The following MACROD2 variants were observed in gnomAD, a reference collection of about 807,000 sequenced individuals.
MACROD2 encodes the protein mono-ADP ribosylhydrolase 2.
A neutral mutation model predicts 70.4 loss-of-function variants in MACROD2; 36 were observed. That is an observed-to-expected ratio of 0.51 (90% CI 0.39 to 0.68). The LOEUF is 0.68. Ranked by LOEUF, MACROD2 falls within the 30% of genes least tolerant of loss-of-function variation. MACROD2 has a pLI of 0.00. For synonymous variants in MACROD2, 172 were observed against 178.8 expected (o/e 0.96, Z 0.30); for missense variants, 496 against 538.4 (o/e 0.92, Z 0.78).
intron 5 of MACROD2, among the ~76,000 whole-genome samples, chr20:15,162,259 G>A (rs186837592): frequency 5.9e-4 from 90 of 152,146 alleles, no homozygotes; most frequent in Non-Finnish European, 1.6e-4. Context: ...GGAGTGGTAG[G>A]AGTGGTAAGT....
chr20:13,996,574 G>C (rs1300022341), intron 1 of MACROD2: 2 of 152,016 alleles, frequency 1.3e-5, no homozygotes, highest in Non-Finnish European at 2.9e-5. Context: ...AATTTTGTGC[G>C]TATAAGGTTT....
intron 6 of MACROD2, among the ~76,000 whole-genome samples, chr20:15,310,296 G>T (rs1009787986): frequency 6.6e-5 from 10 of 152,174 alleles, no homozygotes; most frequent in Non-Finnish European, 1.2e-4. Context: ...GAGCCTGGAA[G>T]TAGAATTGGG....
At chr20:15,739,876 A>C (rs1017522807) in intron 8 of MACROD2, among the ~76,000 whole-genome samples, 6 of 152,242 alleles carry the variant, frequency 3.9e-5, no homozygotes, top group Non-Finnish European at 7.3e-5. Flanking sequence ...TGCTGCCTTC[A>C]AGGACTGATG....
intron 8 of MACROD2, among the ~76,000 whole-genome samples, chr20:15,587,401 C>T (rs2048617275): frequency 6.6e-6 from 1 of 152,112 alleles, no homozygotes; most frequent in Admixed American, 6.5e-5. Flanking sequence ...TCATTCTGCC[C>T]CTGGCTCCTC....
intron 4 of MACROD2, among the ~76,000 whole-genome samples, chr20:14,672,498 A>T (rs1275380477): frequency 6.6e-6 from 1 of 152,176 alleles, no homozygotes. Context: ...TGATGGCAGG[A>T]GCTGCAGAGT....
At chr20:15,756,819 G>A (rs776745571) in intron 8 of MACROD2, among the ~76,000 whole-genome samples, 1 of 152,158 alleles carries the variant, frequency 6.6e-6, no homozygotes, top group Non-Finnish European at 1.5e-5. Context: ...AAACCTTTTG[G>A]TAGGACAGTT....
intron 17 of MACROD2, 100 bp from the exon 18 acceptor site, chr20:16,049,730 G>A: frequency 1.7e-6 from 2 of 1,210,270 alleles, no homozygotes; most frequent in South Asian, 1.3e-5. Flanking sequence ...TATGTGAGGG[G>A]TGAGAGACAT....
intron 5 of MACROD2, among the ~76,000 whole-genome samples, chr20:15,152,135 G>C (rs1468115921): frequency 6.6e-6 from 1 of 152,010 alleles, no homozygotes; most frequent in Non-Finnish European, 1.5e-5. Flanking sequence ...CTTGTAGGAT[G>C]GAAAAATTGA....
At chr20:15,926,813 A>G (rs2065496732) in intron 10 of MACROD2, among the ~76,000 whole-genome samples, 1 of 152,188 alleles carries the variant, frequency 6.6e-6, no homozygotes, top group Non-Finnish European at 1.5e-5. Context: ...ATGAATGAAG[A>G]CAGAGAAACA....
At chr20:14,877,243 T>C (rs2073561134) in intron 5 of MACROD2, among the ~76,000 whole-genome samples, 1 of 152,116 alleles carries the variant, frequency 6.6e-6, no homozygotes, top group Non-Finnish European at 1.5e-5. Context: ...ATTCTTGATT[T>C]GGCTCTCAGG....
intron 7 of MACROD2, among the ~76,000 whole-genome samples, chr20:15,483,647 T>C (rs994473041): frequency 6.6e-6 from 1 of 152,162 alleles, no homozygotes; most frequent in African/African-American, 2.4e-5. Context: ...AACTGAAAAG[T>C]TGGGAAGAAC....
chr20:14,346,593 C>G (rs2083066880), intron 3 of MACROD2, among the ~76,000 whole-genome samples: 1 of 152,208 alleles, frequency 6.6e-6, no homozygotes, highest in African/African-American at 2.4e-5. Context: ...CTTTATCCAA[C>G]TTACTAGCAT....
chr20:15,954,803 A>G (rs950215359), intron 12 of MACROD2, among the ~76,000 whole-genome samples: 1 of 152,204 alleles, frequency 6.6e-6, no homozygotes, highest in African/African-American at 2.4e-5. Context: ...AGCAGCTAAT[A>G]TTTATCAAAT....
intron 3 of MACROD2, among the ~76,000 whole-genome samples, chr20:14,254,304 T>C (rs2082035981): frequency 6.6e-6 from 1 of 152,054 alleles, no homozygotes; most frequent in South Asian, 2.1e-4. Context: ...ATTCAAAAAT[T>C]TGACATTGGT....
At chr20:14,437,160 A>G (rs1186590670) in intron 3 of MACROD2, among the ~76,000 whole-genome samples, 1 of 152,156 alleles carries the variant, frequency 6.6e-6, no homozygotes, top group East Asian at 1.9e-4. Context: ...TAAAGCACAC[A>G]TTTTTATAAA....
At chr20:15,206,725 T>TTTTTTTTTTG (rs1162353007) in intron 5 of MACROD2, among the ~76,000 whole-genome samples, 2 of 60,498 alleles carry the variant, frequency 3.3e-5, no homozygotes, top group Admixed American at 1.5e-4. Context: ...ATCTATGTTT[T>TTTTTTTTTTG]TTTTTTTTTT....
At chr20:14,274,358 T>C (rs1486662551) in intron 3 of MACROD2, among the ~76,000 whole-genome samples, 2 of 152,286 alleles carry the variant, frequency 1.3e-5, no homozygotes, top group East Asian at 1.9e-4. Context: ...AATCAATAAA[T>C]GTAATCCAGC....
intron 4 of MACROD2, among the ~76,000 whole-genome samples, chr20:14,532,050 C>T (rs115041867): frequency 3.2e-4 from 49 of 152,240 alleles, no homozygotes; most frequent in African/African-American, 1.0e-3. Context: ...TTTGTACTCA[C>T]TGTAGATTCA....
At chr20:14,556,050 A>T (rs1224910355) in intron 4 of MACROD2, among the ~76,000 whole-genome samples, 1 of 152,130 alleles carries the variant, frequency 6.6e-6, no homozygotes, top group Non-Finnish European at 1.5e-5. Context: ...TTAGATAAAT[A>T]TAAATGAATG....
Sources: gnomAD v4.1 joint callset for allele counts (sites outside exome capture counted in the v4.1 genomes callset) on GRCh38, gnomAD v4.1.1 for gene constraint, MANE v1.5 for transcripts, NCBI Gene and HGNC (gene_info 2026-07-23, HGNC 2026-07-21) for gene names.